The following ACTN2 variants were observed in gnomAD, a reference collection of about 807,000 sequenced individuals.
ACTN2 encodes actinin alpha 2.
A neutral mutation model predicts 113.8 loss-of-function variants in ACTN2; 39 were observed. The observed-to-expected ratio is 0.34, with a 90% CI of 0.27 to 0.45. ACTN2 has a LOEUF of 0.45. Among genes scored for constraint, ACTN2 ranks in the 20% least tolerant of loss-of-function variants. The pLI, the probability that ACTN2 is intolerant of heterozygous loss-of-function variation, is 1.00. For synonymous variants in ACTN2, 429 were observed against 444.1 expected (o/e 0.97, Z 0.43); for missense variants, 992 against 1,177.9 (o/e 0.84, Z 2.31).
At position 236,757,412 on chromosome 1, in the gene ACTN2, G is replaced by A. The variant is rs562882455; in HGVS notation, c.2155-74G>A. The A allele has an allele frequency of 1.1e-5, 17 of 1,588,672 alleles. No individual in the cohort carries two copies. The African/African-American group carries it at 2.0e-4, about 19-fold the overall frequency. ...GTAAGCCCTTTGAGTCGGCTGTACT[G>A]TTATGAAAGTAAAGAGGCAGAGTTG... is the stretch of plus-strand genomic sequence containing the variant. On this transcript the variant is annotated intron_variant, in intron 17 of 20. Transcript: ENST00000366578.
intron 1 of ACTN2, among the ~76,000 whole-genome samples, chr1:236,715,955 A>G (rs1458081857): frequency 6.6e-6 from 1 of 152,178 alleles, no homozygotes; most frequent in Non-Finnish European, 1.5e-5. Context: ...GTCTCAAAAA[A>G]TAAAAATAAA....
At chr1:236,708,713 GGGGGGATT>G (rs1657908188) in intron 1 of ACTN2, among the ~76,000 whole-genome samples, 1 of 152,194 alleles carries the variant, frequency 6.6e-6, no homozygotes, top group African/African-American at 2.4e-5. Context: ...CTTGCTGGCT[GGGGGGATT>G]GAGACGCTCT....
At chr1:236,727,140 C>T (rs762844687) in intron 5 of ACTN2, among the ~76,000 whole-genome samples, 3 of 151,776 alleles carry the variant, frequency 2.0e-5, no homozygotes, top group Non-Finnish European at 4.4e-5. Context: ...CTGCTAATTG[C>T]ATGTCCTCCT....
At chr1:236,720,221 A>G (rs763630609) in intron 4 of ACTN2, 30 bp downstream of exon 4, 15 of 1,516,326 alleles carry the variant, frequency 9.9e-6, no homozygotes, top group African/African-American at 6.8e-5. Flanking sequence ...GTCTAATTGT[A>G]TAATCTGTAA....
Position 236,686,582 on chromosome 1 carries a change from C to G in ACTN2, c.-92C>G. 1 of 1,364,182 alleles carries G rather than the reference C, an allele frequency of 7.3e-7. No individual in the cohort carries two copies. Among genetic ancestry groups the G allele is most frequent in the Non-Finnish European group, 9.4e-7 (1 of 1,059,068 alleles). The allele number at this position is 1,364,182 out of a possible 1,614,324, so 84.5% of individuals were successfully genotyped here. A position where few individuals can be genotyped will look rare whatever the true frequency, so the allele number is the denominator to read the frequency against. ...GCGAAGGTCACCCCGCGCCCGCCGC[C>G]CGCCGCCCGCCGCCTCCGTGGGTCC... On this transcript the variant is annotated 5_prime_UTR_variant, in exon 1 of 21. Coordinates refer to ENST00000366578, the MANE Select transcript of ACTN2 (RefSeq NM_001103.4).
intron 4 of ACTN2, among the ~76,000 whole-genome samples, chr1:236,725,274 G>T (rs551396728): frequency 2.0e-5 from 3 of 152,098 alleles, no homozygotes; most frequent in African/African-American, 7.2e-5. Flanking sequence ...CTTAGTCTCT[G>T]GTCCGAATAA....
chr1:236,734,330 C>T (rs182826927), intron 7 of ACTN2: 84 of 732,702 alleles, frequency 1.1e-4, no homozygotes, highest in Admixed American at 2.4e-4. Context: ...TGTATGGGGG[C>T]GAAGGGGGAG....
intron 1 of ACTN2, among the ~76,000 whole-genome samples, chr1:236,715,183 G>T (rs1193995179): frequency 6.7e-6 from 1 of 148,742 alleles, no homozygotes; most frequent in African/African-American, 2.5e-5. Context: ...CTACTTTAAG[G>T]TTTAGGGTAC....
intron 4 of ACTN2, among the ~76,000 whole-genome samples, chr1:236,721,015 G>GGTTTTTGTTTTTTTTTT: frequency 8.3e-4 from 41 of 49,140 alleles, no homozygotes; most frequent in African/African-American, 3.1e-3. Context: ...TCTGGTTTTT[G>GGTTTTTGTTTTTTTTTT]TTTTTTGTTT....
chr1:236,747,176 G>A lies in ACTN2; in HGVS notation c.1407-491G>A, dbSNP rs963505790. On this transcript the variant is annotated intron_variant, in intron 12 of 20. Coordinates refer to ENST00000366578, the MANE Select transcript of ACTN2 (RefSeq NM_001103.4). ...GGAAGGGGAAATAAATTGAGCCTGCGGCATTAAGAAGACAACGGTTCTCTC... is the reference window on the plus strand; with the variant it reads ...GGAAGGGGAAATAAATTGAGCCTGCAGCATTAAGAAGACAACGGTTCTCTC... 3.3e-5 allele frequency among the ~76,000 whole-genome samples: 5 copies of A among 152,180 alleles called. No homozygotes were observed. In the South Asian group the frequency reaches 6.2e-4, roughly 19 times the overall value.
At chr1:236,742,843 G>T in intron 10 of ACTN2, 53 bp from the exon 11 acceptor site, 1 of 1,612,262 alleles carries the variant, frequency 6.2e-7, no homozygotes, top group Non-Finnish European at 8.5e-7. Context: ...AGGCCAGAAT[G>T]TAACGAAGGT....
chr1:236,713,431 T>C (rs914767586), intron 1 of ACTN2, among the ~76,000 whole-genome samples: 1 of 152,142 alleles, frequency 6.6e-6, no homozygotes, highest in Non-Finnish European at 1.5e-5. Flanking sequence ...TTCTCCGTGT[T>C]GGTCAGGCTG....
intron 10 of ACTN2, among the ~76,000 whole-genome samples, chr1:236,740,387 G>C (rs12087874): frequency 1.3e-5 from 2 of 150,418 alleles, no homozygotes; most frequent in Non-Finnish European, 3.0e-5. Context: ...GTGCTGGGAT[G>C]ACAGGCGTGA....
rs35891713 is a variant in ACTN2, at chr1:236,693,177, GCACACACACACA to G, written c.126+6405_126+6416del. On this transcript the variant is annotated intron_variant, in intron 1 of 20. Transcript: ENST00000366578. ...TTTTGGTACAAACATCTGCACACAT[GCACACACACACA>G]CACACACACACACACACACACACAC... 5.4e-3 allele frequency among the ~76,000 whole-genome samples: 799 copies of G among 148,944 alleles called. 5 individuals are homozygous for G. Among genetic ancestry groups the G allele is most frequent in the Non-Finnish European group, 4.5e-3 (305 of 67,244 alleles).
chr1:236,713,435 C>T (rs1246688962), intron 1 of ACTN2, among the ~76,000 whole-genome samples: 1 of 152,140 alleles, frequency 6.6e-6, no homozygotes, highest in Non-Finnish European at 1.5e-5. Context: ...CCGTGTTGGT[C>T]AGGCTGGTCT....
Position 236,762,981 on chromosome 1 carries a change from C to T in ACTN2, c.*362C>T, listed in dbSNP as rs1659754424. 3.1e-6 allele frequency: 1 copy of T among 319,730 alleles called. No homozygotes were observed. Among genetic ancestry groups the T allele is most frequent in the Non-Finnish European group, 6.0e-6 (1 of 165,664 alleles). The allele number at this position is 319,730 out of a possible 1,614,324, so 19.8% of individuals were successfully genotyped here. On this transcript the variant is annotated 3_prime_UTR_variant, in exon 21 of 21. Transcript: ENST00000366578. Reference sequence around the variant, plus strand: ...AATACAAAATACCCAAGATTTAAGACCGGGGGGAAAAAACCACAAATTGGT... The same window carrying T: ...AATACAAAATACCCAAGATTTAAGATCGGGGGGAAAAAACCACAAATTGGT...
intron 15 of ACTN2, 96 bp from the exon 16 acceptor site, chr1:236,753,851 T>TTC: frequency 3.7e-5 from 36 of 966,962 alleles, no homozygotes; most frequent in Admixed American, 9.7e-5. Context: ...CCTTCTCCAC[T>TTC]CCCACCCCCA....
At chr1:236,761,195 T>C in intron 20 of ACTN2, 22 bp downstream of exon 20, 1 of 1,614,082 alleles carries the variant, frequency 6.2e-7, no homozygotes, top group Non-Finnish European at 8.5e-7. Flanking sequence ...CAGATTTCCT[T>C]CTGCTTTAGC....
chr1:236,699,111 CT>C (rs1657601859), intron 1 of ACTN2, among the ~76,000 whole-genome samples: 1 of 152,138 alleles, frequency 6.6e-6, no homozygotes, highest in Non-Finnish European at 1.5e-5. Flanking sequence ...ATCCAGGCTG[CT>C]TAACTGTAAG....
Sources: allele counts gnomAD v4.1 joint callset (sites outside exome capture counted in the v4.1 genomes callset), GRCh38; gene constraint gnomAD v4.1.1; transcripts MANE v1.5; gene names NCBI Gene and HGNC (gene_info 2026-07-23, HGNC 2026-07-21).